Variants in NYAP2 observed in about 807,000 individuals in gnomAD.
NYAP2 encodes neuronal tyrosine-phosphorylated phosphoinositide-3-kinase adapter 2.
NYAP2 carries 23 observed loss-of-function variants against 50.4 expected under a neutral mutation model. The ratio of observed to expected loss-of-function variants is 0.46; its 90% CI spans 0.33 to 0.65. The LOEUF is 0.65. Among genes scored for constraint, NYAP2 ranks in the 30% least tolerant of loss-of-function variants. The pLI is 0.02. For missense variants in NYAP2, 885 were observed against 861.0 expected, an observed-to-expected ratio of 1.03 and a Z score of -0.35; for synonymous variants, 394 against 365.2, an observed-to-expected ratio of 1.08 and a Z score of -0.90.
chr2:225,570,721 C>T (rs1442529968), intron 4 of NYAP2, among the ~76,000 whole-genome samples: 1 of 152,136 alleles, frequency 6.6e-6, no homozygotes, highest in Non-Finnish European at 1.5e-5. Flanking sequence ...ATAACCAAAC[C>T]ATATCATTCT....
At chr2:225,683,946 A>G in the NYAP2 span, among the ~76,000 whole-genome samples, 1 of 152,150 alleles carries the variant, frequency 6.6e-6, no homozygotes, top group Non-Finnish European at 1.5e-5. Flanking sequence ...AAAATGATCA[A>G]TCTCTTTTGA....
chr2:225,412,428 G>A (rs1378271488), intron 3 of NYAP2, among the ~76,000 whole-genome samples: 1 of 151,788 alleles, frequency 6.6e-6, no homozygotes, highest in African/African-American at 2.4e-5. Flanking sequence ...AGGAAAGGAG[G>A]CGTCTAGAAC....
chr2:225,668,924 G>GA, the NYAP2 span, among the ~76,000 whole-genome samples: 1 of 114,878 alleles, frequency 8.7e-6, no homozygotes, highest in East Asian at 2.8e-4. Flanking sequence ...AATAAATAAA[G>GA]AAAAAAATTG....
intron 4 of NYAP2, among the ~76,000 whole-genome samples, chr2:225,525,344 A>G (rs1158397663): frequency 2.0e-5 from 3 of 152,154 alleles, no homozygotes; most frequent in Non-Finnish European, 4.4e-5. Context: ...GCTATTCACA[A>G]TAACAAAGAT....
chr2:225,656,990 A>G (rs1459871682), downstream of NYAP2, among the ~76,000 whole-genome samples: 1 of 151,948 alleles, frequency 6.6e-6, no homozygotes, highest in African/African-American at 2.4e-5. Flanking sequence ...AACTTTCTAG[A>G]TAGTACATTT....
intron 4 of NYAP2, among the ~76,000 whole-genome samples, chr2:225,579,303 ACT>A (rs1175787043): frequency 6.6e-6 from 1 of 151,876 alleles, no homozygotes; most frequent in Non-Finnish European, 1.5e-5. Flanking sequence ...GCAACTGTCA[ACT>A]CTGATAATCT....
chr2:225,446,180 C>CTCTG (rs60541469), intron 3 of NYAP2, among the ~76,000 whole-genome samples: 2,104 of 78,380 alleles, frequency 0.027, 40 homozygotes, highest in Non-Finnish European at 0.038. Context: ...GACTCCATCT[C>CTCTG]TCTGTCTGTC....
chr2:225,681,595 T>C, the NYAP2 span, among the ~76,000 whole-genome samples: 1 of 152,158 alleles, frequency 6.6e-6, no homozygotes, highest in Non-Finnish European at 1.5e-5. Context: ...AGTTATTCAA[T>C]CTGTGGAAGA....
At chr2:225,702,072 C>T in the NYAP2 span, 1 of 151,684 alleles carries the variant, frequency 6.6e-6, no homozygotes, top group Non-Finnish European at 1.5e-5. Context: ...ACTACACTCA[C>T]ATGTGAAATT....
chr2:225,433,710 A>G (rs925534877), intron 3 of NYAP2, among the ~76,000 whole-genome samples: 3 of 148,364 alleles, frequency 2.0e-5, no homozygotes, highest in Non-Finnish European at 4.5e-5. Context: ...CCAGCTACTC[A>G]GGAGGCTGAG....
intron 4 of NYAP2, among the ~76,000 whole-genome samples, chr2:225,531,418 T>C (rs1036474205): frequency 2.0e-5 from 3 of 152,254 alleles, no homozygotes; most frequent in African/African-American, 7.2e-5. Context: ...ATACTTTGTG[T>C]ACAATGCCAT....
chr2:225,602,059 T>C (rs145895702), intron 5 of NYAP2, among the ~76,000 whole-genome samples: 1 of 152,296 alleles, frequency 6.6e-6, no homozygotes, highest in African/African-American at 2.4e-5. Context: ...CGAAAGTTTA[T>C]TATGCAAAAG....
In NYAP2 at chr2:225,474,074, C is replaced by T. The variant is rs536274952; in HGVS notation, c.222-39297C>T. ...CCATTTGTTAAATAAGGAATCCTTT[C>T]CCCATTTCTTGTTTTTGTCAGGTTT... On this transcript the variant is annotated intron_variant, in intron 3 of 6. Coordinates refer to ENST00000636099, the Ensembl canonical transcript of NYAP2. 3.0e-3 allele frequency among the ~76,000 whole-genome samples: 456 copies of T among 152,292 alleles called. 1 individual carries two copies. The highest frequency in any genetic ancestry group is 6.8e-3 in the Middle Eastern group (2 of 294).
chr2:225,448,478 T>C (rs1689598257), intron 3 of NYAP2, among the ~76,000 whole-genome samples: 1 of 152,236 alleles, frequency 6.6e-6, no homozygotes, highest in African/African-American at 2.4e-5. Context: ...GTGCCCATCC[T>C]TATTAATTTA....
chr2:225,589,803 C>A (rs1378635200), intron 5 of NYAP2, among the ~76,000 whole-genome samples: 1 of 151,956 alleles, frequency 6.6e-6, no homozygotes, highest in Non-Finnish European at 1.5e-5. Context: ...AAGAGTAGGA[C>A]AAAACAGGTA....
chr2:225,542,903 T>C (rs536948607), intron 4 of NYAP2, among the ~76,000 whole-genome samples: 3 of 152,260 alleles, frequency 2.0e-5, no homozygotes, highest in East Asian at 1.9e-4. Context: ...CACAGGCTTT[T>C]CTTTGTTGGA....
chr2:225,436,739 C>CAAAAAA (rs755609110), intron 3 of NYAP2, among the ~76,000 whole-genome samples: 233 of 109,394 alleles, frequency 2.1e-3, no homozygotes, highest in African/African-American at 6.6e-3. Context: ...TCTGTATAGT[C>CAAAAAA]AAAAAAAAAA....
Position 225,516,566 on chromosome 2 carries a change from T to A in NYAP2, c.523+2894T>A, listed in dbSNP as rs916736032. Among the ~76,000 whole-genome samples the A allele has an allele frequency of 4.6e-5, 7 of 152,022 alleles. No individual in the cohort carries two copies. In the East Asian group the frequency reaches 1.4e-3, roughly 29 times the overall value. Reference sequence around the variant, plus strand: ...TTTTTTTTCTCTTCAGAACACTTAATAAAACAGCAATTGCAAAAGCAGATA... The same window carrying A: ...TTTTTTTTCTCTTCAGAACACTTAAAAAAACAGCAATTGCAAAAGCAGATA... On this transcript the variant is annotated intron_variant, in intron 4 of 6. Coordinates refer to ENST00000636099, the Ensembl canonical transcript of NYAP2.
At chr2:225,598,944 G>A (rs1692651601) in intron 5 of NYAP2, among the ~76,000 whole-genome samples, 1 of 152,182 alleles carries the variant, frequency 6.6e-6, no homozygotes, top group South Asian at 2.1e-4. Flanking sequence ...TCAATGGAGG[G>A]CTTCAAGAGA....
Sources: allele counts gnomAD v4.1 joint callset (sites outside exome capture counted in the v4.1 genomes callset), GRCh38; gene constraint gnomAD v4.1.1; transcripts MANE v1.5; gene names NCBI Gene and HGNC (gene_info 2026-07-23, HGNC 2026-07-21).